Variants in SPATA21 observed in about 807,000 individuals in gnomAD.
SPATA21 encodes the protein spermatogenesis associated 21, also known as spermatogenesis-associated protein 21.
A neutral mutation model predicts 54.8 loss-of-function variants in SPATA21; 47 were observed. The observed-to-expected ratio is 0.86, with a 90% confidence interval of 0.68 to 1.09. SPATA21 has a LOEUF of 1.09. SPATA21 is among the 50% of genes least tolerant of loss of function. The probability of loss-of-function intolerance (pLI) is 0.00; values close to 1 mark genes in which losing one functional copy is unlikely to be tolerated. For synonymous variants in SPATA21, 245 were observed against 235.3 expected, an observed-to-expected ratio of 1.04 and a Z score of -0.38; for missense variants, 599 against 596.4, an observed-to-expected ratio of 1.00 and a Z score of -0.05.
chr1:16,399,414 G>T lies in SPATA21; in HGVS notation c.1282C>A (p.Gln428Lys), dbSNP rs2085374189. The change falls in exon 12 of 13, where the codon CAG (glutamine) becomes AAG (lysine). Residue 428 changes from glutamine (Q) to lysine (K), a missense_variant. Physicochemically the swap from Gln to Lys is moderately conservative, Grantham distance 53 (BLOSUM62 1). Transcript: ENST00000335496. ...GGATCCAGGCCAGGGGGTGTGCACT[G>T]GTCTAGTGCATAGTGGTTGCTCGGC... is the stretch of plus-strand genomic sequence containing the variant. ...RQPSNHYALD[Q>K]CTPPGLDPDI... 5.0e-6 allele frequency: 8 copies of T among 1,613,700 alleles called. No individual in the cohort carries two copies. The East Asian group carries it at 1.8e-4, about 36-fold the overall frequency.
chr1:16,418,281 AT>A (rs1158416860), intron 5 of SPATA21, among the ~76,000 whole-genome samples: 2 of 151,054 alleles, frequency 1.3e-5, no homozygotes, highest in Non-Finnish European at 3.0e-5. Context: ...TTTTATTTTT[AT>A]TTTTTTTGAG....
intron 10 of SPATA21, among the ~76,000 whole-genome samples, chr1:16,402,831 TG>T (rs1251618753): frequency 2.0e-5 from 3 of 151,712 alleles, no homozygotes; most frequent in Non-Finnish European, 2.9e-5. Flanking sequence ...GAAACTGAGG[TG>T]GGAGGATTGA....
chr1:16,409,868 G>A lies in SPATA21; in HGVS notation c.320C>T (p.Ser107Phe). The change falls in exon 6 of 13, where the codon TCC (serine) becomes TTC (phenylalanine). Residue 107 changes from serine (S) to phenylalanine (F), a missense_variant. Physicochemically the swap from Ser to Phe is radical, Grantham distance 155. Transcript: ENST00000335496. The surrounding 1 kb of genome is among the most constrained non-coding windows in gnomAD (Gnocchi z 4.1). ...CCTGGGCGACTTCTGGGCTGTCTGG[G>A]ACCGGGCCTTCGAGGCTCTCCGATG... The part of the protein sequence containing the change: ...ASHRRASKAR[S>F]QTAQKSPRTL... The A allele has an allele frequency of 6.2e-7, 1 of 1,611,250 alleles. No homozygotes were observed. The highest frequency in any genetic ancestry group is 8.5e-7 in the Non-Finnish European group (1 of 1,178,648).
chr1:16,424,240 G>A (rs1177227563), intron 3 of SPATA21, among the ~76,000 whole-genome samples: 14 of 120,858 alleles, frequency 1.2e-4, no homozygotes, highest in African/African-American at 2.6e-4. Flanking sequence ...ATGAACCTGG[G>A]AGGCAGAGCT....
intron 3 of SPATA21, chr1:16,422,306 C>T: frequency 2.0e-6 from 2 of 979,796 alleles, no homozygotes; most frequent in Non-Finnish European, 2.7e-6. Flanking sequence ...AGGGTCCCAG[C>T]ACTTCAGGCA....
chr1:16,431,337 C>T lies in SPATA21; in HGVS notation c.34+1G>A. Reference sequence around the variant, plus strand: ...CTGCGTCCCTGGAGCCTTGGTTCTACCCTCCGTGTACATCTGGGTGTTTCT... The same window carrying T: ...CTGCGTCCCTGGAGCCTTGGTTCTATCCTCCGTGTACATCTGGGTGTTTCT... On this transcript the variant is annotated splice_donor_variant, in intron 3 of 12. Coordinates refer to ENST00000335496, the MANE Select transcript of SPATA21 (RefSeq NM_198546.1). LOFTEE classifies it high-confidence loss of function. The T allele has an allele frequency of 6.2e-7, 1 of 1,614,116 alleles. No homozygotes were observed. The highest frequency in any genetic ancestry group is 1.7e-5 in the Admixed American group (1 of 60,004).
intron 7 of SPATA21, among the ~76,000 whole-genome samples, chr1:16,407,517 T>C (rs1329958870): frequency 6.6e-6 from 1 of 152,088 alleles, no homozygotes; most frequent in Non-Finnish European, 1.5e-5. Context: ...TGGAGTGCAG[T>C]AGCGCGATCT....
intron 5 of SPATA21, among the ~76,000 whole-genome samples, chr1:16,417,817 ACCT>A (rs1241237778): frequency 6.6e-6 from 1 of 151,942 alleles, no homozygotes; most frequent in Non-Finnish European, 1.5e-5. Context: ...TGATCCGCCC[ACCT>A]CAGCCTCCTA....
intron 3 of SPATA21, among the ~76,000 whole-genome samples, chr1:16,423,405 T>G (rs961212474): frequency 1.2e-4 from 13 of 108,036 alleles, no homozygotes; most frequent in Non-Finnish European, 2.2e-4. Flanking sequence ...AGGGTGAGAC[T>G]CCATGTCAAA....
chr1:16,427,486 C>G lies in SPATA21; in HGVS notation c.34+3852G>C, dbSNP rs202090675. On this transcript the variant is annotated intron_variant, in intron 3 of 12. Coordinates refer to ENST00000335496, the MANE Select transcript of SPATA21 (RefSeq NM_198546.1). ...AAACACAAAATTTAGAAAACAATTA[C>G]GTGTACATCTTTACATGTTCCTGTG... 2.4e-4 allele frequency among the ~76,000 whole-genome samples: 36 copies of G among 152,210 alleles called. 4 individuals carry two copies. The East Asian group carries it at 6.6e-3, about 28-fold the overall frequency.
downstream of SPATA21, chr1:16,396,385 AGAT>A (rs2100761014): frequency 6.6e-6 from 1 of 152,360 alleles, no homozygotes; most frequent in Non-Finnish European, 1.5e-5. Flanking sequence ...TGCTTTGCAA[AGAT>A]TGATGACAGA....
chr1:16,415,667 C>T lies in SPATA21; in HGVS notation c.145-5624G>A, dbSNP rs192704727. ...CTCCACCTCCCGGGTTCACGCCATT[C>T]TCCTGCCTCAGCCTCCCGAGTAGCT... On this transcript the variant is annotated intron_variant, in intron 5 of 12. Coordinates refer to ENST00000335496, the MANE Select transcript of SPATA21 (RefSeq NM_198546.1). 7.5e-3 allele frequency among the ~76,000 whole-genome samples: 1,136 copies of T among 152,268 alleles called. 8 individuals are homozygous for T. The highest frequency in any genetic ancestry group is 0.012 in the Non-Finnish European group (840 of 68,022).
intron 3 of SPATA21, among the ~76,000 whole-genome samples, chr1:16,430,996 G>A (rs561596290): frequency 5.1e-4 from 77 of 152,306 alleles, no homozygotes; most frequent in Non-Finnish European, 5.9e-5. Flanking sequence ...AATCCAACAC[G>A]GAGGAACATA....
intron 5 of SPATA21, among the ~76,000 whole-genome samples, chr1:16,412,556 G>T (rs541059880): frequency 6.6e-6 from 1 of 152,066 alleles, no homozygotes; most frequent in Non-Finnish European, 1.5e-5. Context: ...GCTGCCTCCC[G>T]TGTTCAAGCA....
intron 3 of SPATA21, among the ~76,000 whole-genome samples, chr1:16,424,238 G>T (rs1253173552): frequency 5.1e-5 from 6 of 117,936 alleles, no homozygotes; most frequent in East Asian, 4.8e-4. Context: ...GCATGAACCT[G>T]GGAGGCAGAG....
intron 10 of SPATA21, among the ~76,000 whole-genome samples, chr1:16,401,962 A>T (rs2085460391): frequency 6.6e-6 from 1 of 152,204 alleles, no homozygotes; most frequent in Non-Finnish European, 1.5e-5. Context: ...GGGTCCCTGT[A>T]TCATAGCCTC....
At chr1:16,425,321 C>T in intron 3 of SPATA21, 1 of 665,448 alleles carries the variant, frequency 1.5e-6, no homozygotes, top group Non-Finnish European at 2.7e-6. Flanking sequence ...CATTCTGTCA[C>T]CCAGGCTGGA....
At chr1:16,431,862 C>T (rs2086466405) in intron 2 of SPATA21, among the ~76,000 whole-genome samples, 1 of 152,148 alleles carries the variant, frequency 6.6e-6, no homozygotes, top group African/African-American at 2.4e-5. Flanking sequence ...AGGCTCTTTC[C>T]TGTACAACTT....
At chr1:16,406,582 AATTTTAGAAAT>A (rs144281422) in intron 7 of SPATA21, among the ~76,000 whole-genome samples, 51,056 of 151,852 alleles carry the variant, frequency 0.34, 9,918 homozygotes, top group East Asian at 0.67. Context: ...CTCTACAAAA[AATTTTAGAAAT>A]TAGCCAGCCA....
Sources: allele counts gnomAD v4.1 joint callset (sites outside exome capture counted in the v4.1 genomes callset), GRCh38; gene constraint gnomAD v4.1.1; non-coding constraint Gnocchi (gnomAD v3.1); transcripts MANE v1.5; gene names NCBI Gene and HGNC (gene_info 2026-07-23, HGNC 2026-07-21).